Variants in VPS41 observed in about 807,000 individuals in gnomAD.
VPS41 encodes vacuolar protein sorting-associated protein 41 homolog.
Under a neutral mutation model 130.9 loss-of-function variants are expected in VPS41, and 85 were observed. The observed-to-expected ratio is 0.65, with a 90% confidence interval of 0.55 to 0.78. The LOEUF (loss-of-function observed/expected upper bound fraction) is 0.78, where lower values mean the gene tolerates loss of function less well. Among genes scored for constraint, VPS41 ranks in the 30% least tolerant of loss-of-function variants. VPS41 has a pLI of 0.00. For missense variants in VPS41, 874 were observed against 1,018.7 expected (o/e 0.86, Z 1.93); for synonymous variants, 335 against 332.9 (o/e 1.01, Z -0.07).
At chr7:38,761,089 T>A (rs1295234829) in intron 17 of VPS41, among the ~76,000 whole-genome samples, 1 of 152,030 alleles carries the variant, frequency 6.6e-6, no homozygotes, top group Non-Finnish European at 1.5e-5. Flanking sequence ...AATCAGAACA[T>A]TAAAATGTTT....
chr7:38,777,930 T>C (rs1267728106), intron 10 of VPS41, among the ~76,000 whole-genome samples: 2 of 152,218 alleles, frequency 1.3e-5, no homozygotes, highest in African/African-American at 4.8e-5. Flanking sequence ...GATGAAATAC[T>C]GAATTTTCCT....
chr7:38,821,259 C>A lies in VPS41; in HGVS notation c.328G>T (p.Val110Leu). The stretch of plus-strand genomic sequence containing the variant: ...TCTTCTCCAGAATACAGTCCAAATA[C>A]CTGCACCTACAAAGAAAATGGATTG... Reference protein sequence around the residue: ...GVCSEDGKVQVFGLYSGEEFH... With the variant: ...GVCSEDGKVQLFGLYSGEEFH... The change falls in exon 6 of 29, where the codon GTA (valine) becomes TTA (leucine). Residue 110 changes from valine (V) to leucine (L), a missense_variant. Val to Leu is a conservative substitution (Grantham distance 32). Transcript: ENST00000310301. The A allele has an allele frequency of 6.2e-7, 1 of 1,613,240 alleles. No individual in the cohort carries two copies. The highest frequency in any genetic ancestry group is 1.1e-5 in the South Asian group (1 of 91,012).
chr7:38,807,581 C>T (rs747620775), intron 7 of VPS41, among the ~76,000 whole-genome samples: 8 of 152,130 alleles, frequency 5.3e-5, no homozygotes, highest in Non-Finnish European at 1.0e-4. Flanking sequence ...TTTTGGAAGC[C>T]TACCACCATT....
At chr7:38,756,213 TACAC>T (rs3839727) in intron 19 of VPS41, among the ~76,000 whole-genome samples, 1,748 of 146,626 alleles carry the variant, frequency 0.012, 18 homozygotes, top group African/African-American at 0.025. Flanking sequence ...AGATTTCTTT[TACAC>T]ACACACACAC....
chr7:38,803,720 G>A (rs1260581134), intron 7 of VPS41, among the ~76,000 whole-genome samples: 1 of 152,194 alleles, frequency 6.6e-6, no homozygotes, highest in Non-Finnish European at 1.5e-5. Flanking sequence ...ATATGAGTGA[G>A]TGTGGAGAAG....
chr7:38,828,612 C>T (rs989224347), intron 5 of VPS41, among the ~76,000 whole-genome samples: 1 of 152,114 alleles, frequency 6.6e-6, no homozygotes, highest in Non-Finnish European at 1.5e-5. Flanking sequence ...TTTCACAATA[C>T]TGACTAACCC....
intron 4 of VPS41, among the ~76,000 whole-genome samples, chr7:38,838,905 C>T (rs1281702871): frequency 6.6e-6 from 1 of 152,150 alleles, no homozygotes; most frequent in Admixed American, 6.5e-5. Context: ...CCTGATACTC[C>T]TCATCATCCC....
chr7:38,888,255 A>G (rs1786779343), intron 2 of VPS41, among the ~76,000 whole-genome samples: 1 of 152,214 alleles, frequency 6.6e-6, no homozygotes, highest in Non-Finnish European at 1.5e-5. Context: ...GTCAAGACCC[A>G]TTGGTGTGCA....
At chr7:38,737,900 T>C (rs1795803051) in intron 25 of VPS41, among the ~76,000 whole-genome samples, 1 of 152,208 alleles carries the variant, frequency 6.6e-6, no homozygotes, top group Non-Finnish European at 1.5e-5. Flanking sequence ...TAAAGGCAAT[T>C]CAGCTTTGTA....
At chr7:38,740,745 G>A (rs1795864433) in intron 25 of VPS41, among the ~76,000 whole-genome samples, 1 of 151,908 alleles carries the variant, frequency 6.6e-6, no homozygotes, top group Non-Finnish European at 1.5e-5. Context: ...TTTTAAAGTC[G>A]TGTTGTCCAG....
At chr7:38,840,377 C>T (rs1785585450) in intron 4 of VPS41, among the ~76,000 whole-genome samples, 1 of 152,132 alleles carries the variant, frequency 6.6e-6, no homozygotes, top group African/African-American at 2.4e-5. Context: ...AAAACATGAA[C>T]CCATTGCACA....
chr7:38,754,758 T>TA lies in VPS41; in HGVS notation c.1738-7dup. 1 of 1,612,554 alleles carries TA rather than the reference T, an allele frequency of 6.2e-7. No homozygotes were observed. The highest frequency in any genetic ancestry group is 8.5e-7 in the Non-Finnish European group (1 of 1,179,068). On this transcript the variant is annotated splice_region_variant and splice_polypyrimidine_tract_variant and intron_variant, in intron 20 of 28. Coordinates refer to ENST00000310301, the MANE Select transcript of VPS41 (RefSeq NM_014396.4). ...TCTTCCACTACCTTTTTAATCTAGA[T>TA]AAAAAAGAAAAGTTTCAAGGTGGAG...
chr7:38,819,451 CTTCT>C (rs1438966671), intron 6 of VPS41, among the ~76,000 whole-genome samples: 2 of 152,228 alleles, frequency 1.3e-5, no homozygotes, highest in South Asian at 2.1e-4. Context: ...GATGATCTCT[CTTCT>C]TTATTACTAA....
intron 2 of VPS41, among the ~76,000 whole-genome samples, chr7:38,883,168 G>A (rs1181636143): frequency 6.6e-6 from 1 of 152,188 alleles, no homozygotes; most frequent in Non-Finnish European, 1.5e-5. Context: ...ACTTGAACCT[G>A]GGAGGCAGAG....
At chr7:38,839,902 T>C (rs1207006206) in intron 4 of VPS41, among the ~76,000 whole-genome samples, 1 of 152,208 alleles carries the variant, frequency 6.6e-6, no homozygotes, top group Non-Finnish European at 1.5e-5. Flanking sequence ...TGAAGCTCTC[T>C]TGAAAGTCTC....
At chr7:38,877,151 G>T (rs1225945677) in intron 2 of VPS41, among the ~76,000 whole-genome samples, 1 of 152,048 alleles carries the variant, frequency 6.6e-6, no homozygotes, top group Non-Finnish European at 1.5e-5. Context: ...CAGAACTGTG[G>T]GTACCTAATA....
intron 5 of VPS41, among the ~76,000 whole-genome samples, chr7:38,829,661 T>C (rs1392652567): frequency 6.6e-6 from 1 of 152,236 alleles, no homozygotes; most frequent in East Asian, 1.9e-4. Flanking sequence ...GCACTGATAA[T>C]TGTTAGTTAT....
At chr7:38,736,896 C>T (rs1795780386) in intron 25 of VPS41, among the ~76,000 whole-genome samples, 1 of 152,164 alleles carries the variant, frequency 6.6e-6, no homozygotes, top group Non-Finnish European at 1.5e-5. Flanking sequence ...ATCTACAAAG[C>T]TTCTATCTCA....
intron 4 of VPS41, among the ~76,000 whole-genome samples, chr7:38,853,148 G>C (rs139211560): frequency 6.6e-6 from 1 of 152,064 alleles, no homozygotes; most frequent in Non-Finnish European, 1.5e-5. Flanking sequence ...GGCCGGGTGC[G>C]GTGGCTCACG....
Sources: allele counts gnomAD v4.1 joint callset (sites outside exome capture counted in the v4.1 genomes callset), GRCh38; gene constraint gnomAD v4.1.1; transcripts MANE v1.5; gene names NCBI Gene and HGNC (gene_info 2026-07-23, HGNC 2026-07-21).